SPAG16: variants seen among roughly 807,000 people sequenced by gnomAD.
SPAG16 encodes the protein sperm-associated antigen 16 protein.
SPAG16 carries 86 observed loss-of-function variants against 80.4 expected under a neutral mutation model. That is an observed-to-expected ratio of 1.07 (90% CI 0.90 to 1.28). The LOEUF (loss-of-function observed/expected upper bound fraction) is 1.28, where lower values mean the gene tolerates loss of function less well. Ranked by LOEUF, SPAG16 falls within the 50% of genes most tolerant of loss-of-function variation. The probability of loss-of-function intolerance (pLI) is 0.00; values close to 1 mark genes in which losing one functional copy is unlikely to be tolerated. For missense variants in SPAG16, 870 were observed against 765.3 expected (o/e 1.14, Z -1.61); for synonymous variants, 294 against 265.9 (o/e 1.11, Z -1.03).
At chr2:213,640,903 T>C (rs188651806) in intron 10 of SPAG16, among the ~76,000 whole-genome samples, 5 of 152,268 alleles carry the variant, frequency 3.3e-5, no homozygotes, top group Middle Eastern at 3.4e-3. Flanking sequence ...TTTCAAGAGA[T>C]CACCAGCTGC....
rs570359471 is a variant in SPAG16 at position 214,264,272 on chromosome 2, T to G, written c.1720+115006T>G. On this transcript the variant is annotated intron_variant, in intron 15 of 15. Coordinates refer to ENST00000331683, the MANE Select transcript of SPAG16 (RefSeq NM_024532.5). Reference sequence around the variant, plus strand: ...GTACCTTATATAAATTAAAACCATCTCTGTGGACTCTAAGTGCTGTCACGA... The same window carrying G: ...GTACCTTATATAAATTAAAACCATCGCTGTGGACTCTAAGTGCTGTCACGA... Among the ~76,000 whole-genome samples the G allele has an allele frequency of 2.0e-5, 3 of 152,248 alleles. No individual in the cohort carries two copies. In the South Asian group the frequency reaches 6.2e-4, roughly 32 times the overall value.
chr2:214,380,517 T>TTTTA (rs1379473737), intron 15 of SPAG16, among the ~76,000 whole-genome samples: 11 of 152,196 alleles, frequency 7.2e-5, no homozygotes, highest in Non-Finnish European at 1.2e-4. Flanking sequence ...AGTTCTTTTA[T>TTTTA]TTTATTTTTT....
At chr2:213,804,018 C>G (rs2071583231) in intron 10 of SPAG16, among the ~76,000 whole-genome samples, 1 of 152,184 alleles carries the variant, frequency 6.6e-6, no homozygotes, top group Non-Finnish European at 1.5e-5. Flanking sequence ...TTCCTCTTTC[C>G]AGCCTCTCCA....
intron 10 of SPAG16, among the ~76,000 whole-genome samples, chr2:213,664,323 C>T (rs1182101559): frequency 6.6e-6 from 1 of 151,880 alleles, no homozygotes. Flanking sequence ...TTATAGGTTC[C>T]TGGAATTAGG....
At chr2:213,859,311 G>T (rs1051592059) in intron 10 of SPAG16, among the ~76,000 whole-genome samples, 1 of 147,432 alleles carries the variant, frequency 6.8e-6, no homozygotes, top group African/African-American at 2.5e-5. Context: ...GGTAAGTGCA[G>T]CATGTACATC....
intron 10 of SPAG16, among the ~76,000 whole-genome samples, chr2:213,626,187 A>T (rs1391352693): frequency 6.6e-6 from 1 of 152,174 alleles, no homozygotes; most frequent in African/African-American, 2.4e-5. Context: ...AAAAATCAGA[A>T]ACCAGAAGAT....
chr2:213,784,903 T>C lies in SPAG16; in HGVS notation c.1071-77582T>C, dbSNP rs1024349288. Among the ~76,000 whole-genome samples the C allele has an allele frequency of 4.0e-4, 61 of 152,250 alleles. 1 individual carries two copies. Among genetic ancestry groups the C allele is most frequent in the African/African-American group, 1.4e-3 (59 of 41,566 alleles). ...TGTATTAAGATTATTTGTAATTATG[T>C]TTCAAAATTATTTTCAATCATGTCT... On this transcript the variant is annotated intron_variant, in intron 10 of 15. Coordinates refer to ENST00000331683, the MANE Select transcript of SPAG16 (RefSeq NM_024532.5).
intron 10 of SPAG16, among the ~76,000 whole-genome samples, chr2:213,848,356 A>G (rs1301835176): frequency 6.6e-6 from 1 of 152,182 alleles, no homozygotes; most frequent in Non-Finnish European, 1.5e-5. Context: ...GAAGTAAGAG[A>G]CATCTGAAGT....
At chr2:213,928,214 A>G (rs2078579398) in intron 11 of SPAG16, among the ~76,000 whole-genome samples, 1 of 150,654 alleles carries the variant, frequency 6.6e-6, no homozygotes, top group Non-Finnish European at 1.5e-5. Flanking sequence ...CCTCCCGAGT[A>G]GCTGGGATTA....
Position 213,504,369 on chromosome 2 carries a change from A to C in SPAG16, c.1070+14279A>C, listed in dbSNP as rs551380635. On this transcript the variant is annotated intron_variant, in intron 10 of 15. Transcript: ENST00000331683. ...AACAAAACATCTTTAAATTTTAATC[A>C]GGGACACACTTTAAGAAATAAAGAT... Among the ~76,000 whole-genome samples, 49 of 152,340 alleles carry C rather than the reference A, an allele frequency of 3.2e-4. 2 individuals carry two copies. In the South Asian group the frequency reaches 9.5e-3, roughly 30 times the overall value.
At chr2:213,946,304 G>A (rs763639362) in intron 12 of SPAG16, among the ~76,000 whole-genome samples, 7 of 152,006 alleles carry the variant, frequency 4.6e-5, no homozygotes, top group Non-Finnish European at 8.8e-5. Flanking sequence ...GAATAGAGAC[G>A]GGGTTTTACC....
At chr2:214,120,779 C>G (rs1024467837) in intron 14 of SPAG16, among the ~76,000 whole-genome samples, 5 of 151,848 alleles carry the variant, frequency 3.3e-5, no homozygotes, top group Admixed American at 1.3e-4. Flanking sequence ...TGTTATCTAG[C>G]AGATTCTCTT....
chr2:214,286,564 T>A (rs1056929622), intron 15 of SPAG16, among the ~76,000 whole-genome samples: 2 of 152,074 alleles, frequency 1.3e-5, no homozygotes, highest in Non-Finnish European at 2.9e-5. Context: ...CTGGCCAACC[T>A]GCCAAAACCC....
At chr2:213,818,928 T>C (rs1450222248) in intron 10 of SPAG16, among the ~76,000 whole-genome samples, 2 of 152,280 alleles carry the variant, frequency 1.3e-5, no homozygotes, top group East Asian at 1.9e-4. Flanking sequence ...CCATGTGAAA[T>C]TGTGAGTCAA....
intron 9 of SPAG16, among the ~76,000 whole-genome samples, chr2:213,446,960 A>C (rs1162312420): frequency 3.3e-5 from 5 of 152,232 alleles, no homozygotes. Context: ...CCTTTAAGAC[A>C]AATGAAAGGG....
intron 12 of SPAG16, among the ~76,000 whole-genome samples, chr2:213,994,366 GA>G (rs1177984806): frequency 2.6e-5 from 4 of 152,106 alleles, no homozygotes; most frequent in Non-Finnish European, 4.4e-5. Context: ...ATGAAAGGAA[GA>G]GGCCATTGAA....
intron 15 of SPAG16, among the ~76,000 whole-genome samples, chr2:214,397,292 A>G (rs1701453086): frequency 1.3e-5 from 2 of 151,096 alleles, no homozygotes; most frequent in African/African-American, 4.9e-5. Context: ...AGTAGCTGGG[A>G]CTACATACAG....
At chr2:214,228,595 C>T (rs1160169362) in intron 15 of SPAG16, among the ~76,000 whole-genome samples, 1 of 151,680 alleles carries the variant, frequency 6.6e-6, no homozygotes, top group African/African-American at 2.4e-5. Flanking sequence ...GTGTGCAGTA[C>T]CTGGAAATTT....
chr2:213,569,806 A>G (rs2059858314), intron 10 of SPAG16, among the ~76,000 whole-genome samples: 1 of 132,152 alleles, frequency 7.6e-6, no homozygotes, highest in African/African-American at 3.7e-5. Context: ...TTTCCGAAGG[A>G]ATGGTACCAG....
Sources: gnomAD v4.1 joint callset for allele counts (sites outside exome capture counted in the v4.1 genomes callset) on GRCh38, gnomAD v4.1.1 for gene constraint, MANE v1.5 for transcripts, NCBI Gene and HGNC (gene_info 2026-07-23, HGNC 2026-07-21) for gene names.